Variants in OPRM1 observed in about 807,000 individuals in gnomAD.
OPRM1 encodes mu-type opioid receptor.
Under a neutral mutation model 31.8 loss-of-function variants are expected in OPRM1, and 27 were observed. That is an observed-to-expected ratio of 0.85 (90% CI 0.63 to 1.17). OPRM1 has a LOEUF of 1.17. Ranked by LOEUF, OPRM1 falls within the 50% of genes most tolerant of loss-of-function variation. The probability of loss-of-function intolerance (pLI) is 0.00; values close to 1 mark genes in which losing one functional copy is unlikely to be tolerated. For missense variants in OPRM1, 536 were observed against 511.1 expected (o/e 1.05, Z -0.47); for synonymous variants, 196 against 189.9 (o/e 1.03, Z -0.26).
chr6:154,040,145 A>G (rs556797683), intron 1 of OPRM1, among the ~76,000 whole-genome samples: 12 of 152,144 alleles, frequency 7.9e-5, no homozygotes, highest in African/African-American at 2.2e-4. Context: ...GCTTCCTTAT[A>G]CTGAGCAAAG....
intron 3 of OPRM1, among the ~76,000 whole-genome samples, chr6:154,213,608 C>T (rs1286113760): frequency 6.6e-6 from 1 of 152,096 alleles, no homozygotes; most frequent in Non-Finnish European, 1.5e-5. Flanking sequence ...TTTCCAAGGC[C>T]TTTTGTGGTC....
At chr6:154,093,235 T>C in intron 3 of OPRM1, 2 of 1,559,158 alleles carry the variant, frequency 1.3e-6, no homozygotes, top group Non-Finnish European at 1.7e-6. Context: ...AGCAAAATAA[T>C]GGCCATTATA....
chr6:154,103,889 G>T (rs942126240), intron 3 of OPRM1, among the ~76,000 whole-genome samples: 1 of 152,132 alleles, frequency 6.6e-6, no homozygotes, highest in Non-Finnish European at 1.5e-5. Flanking sequence ...AGGTCTTTAT[G>T]ACCTGTATTT....
chr6:154,111,956 G>C (rs985310511), intron 3 of OPRM1, among the ~76,000 whole-genome samples: 1 of 152,014 alleles, frequency 6.6e-6, no homozygotes, highest in African/African-American at 2.4e-5. Context: ...TAGTAGAAAC[G>C]GGGTTTCACT....
intron 1 of OPRM1, among the ~76,000 whole-genome samples, chr6:154,031,673 G>A (rs1187693884): frequency 6.6e-6 from 1 of 152,114 alleles, no homozygotes; most frequent in Admixed American, 6.5e-5. Flanking sequence ...CTTGGGAGGC[G>A]GAGATTGCAG....
At chr6:154,089,676 G>A (rs186476960) in intron 1 of OPRM1, 150 bp from the exon 2 acceptor site, 1 of 598,074 alleles carries the variant, frequency 1.7e-6, no homozygotes, top group Non-Finnish European at 2.9e-6. Flanking sequence ...TGACATCATT[G>A]TAAATAGCCA....
Position 154,130,174 on chromosome 6 carries a change from T to C in OPRM1, c.*11453T>C, listed in dbSNP as rs9371777. Among the ~76,000 whole-genome samples, 78 of 30,822 alleles carry C rather than the reference T, an allele frequency of 2.5e-3. 5 individuals are homozygous for C. The highest frequency in any genetic ancestry group is 0.024 in the Middle Eastern group (1 of 42). 20.2% of individuals were successfully genotyped at this position (30,822 alleles called of 152,430 possible). A position where few individuals can be genotyped will look rare whatever the true frequency, so the allele number is the denominator to read the frequency against. On this transcript the variant is annotated 3_prime_UTR_variant, in exon 4 of 4. Coordinates refer to ENST00000330432, the MANE Select transcript of OPRM1 (RefSeq NM_000914.5). Reference sequence around the variant, plus strand: ...TCATGGAAATGTTTAAATTTTCTTTTTTTTTTTTTTTTTTGATGGAGTCTC... The same window carrying C: ...TCATGGAAATGTTTAAATTTTCTTTCTTTTTTTTTTTTTTGATGGAGTCTC...
chr6:154,014,455 A>G (rs1322413442), intron 1 of OPRM1, among the ~76,000 whole-genome samples: 1 of 152,256 alleles, frequency 6.6e-6, no homozygotes, highest in East Asian at 1.9e-4. Flanking sequence ...AGCCATAGAC[A>G]ATGAGAGGAA....
At chr6:154,071,554 TAA>T (rs139569995) in intron 1 of OPRM1, among the ~76,000 whole-genome samples, 63 of 150,346 alleles carry the variant, frequency 4.2e-4, no homozygotes, top group Middle Eastern at 6.8e-3. Flanking sequence ...CCTGTAGTTT[TAA>T]AAAAAAAATA....
intron 1 of OPRM1, among the ~76,000 whole-genome samples, chr6:154,076,502 CA>C: frequency 6.6e-6 from 1 of 152,224 alleles, no homozygotes; most frequent in South Asian, 2.1e-4. Context: ...ACAATAGTGG[CA>C]TATTACCTAT....
chr6:154,221,129 T>C, intron 3 of OPRM1: 1 of 698,892 alleles, frequency 1.4e-6, no homozygotes, highest in Non-Finnish European at 2.3e-6. Context: ...AACTGCTAAA[T>C]AAATTAATCC....
At chr6:154,194,967 C>A (rs10485060) in intron 3 of OPRM1, among the ~76,000 whole-genome samples, 7,469 of 152,060 alleles carry the variant, frequency 0.049, 305 homozygotes, top group South Asian at 0.19. Flanking sequence ...GCTGAGGATA[C>A]AAAGGCCAAG....
At chr6:154,014,266 A>G (rs1777883533) in intron 1 of OPRM1, among the ~76,000 whole-genome samples, 1 of 152,186 alleles carries the variant, frequency 6.6e-6, no homozygotes, top group Non-Finnish European at 1.5e-5. Context: ...GAGGTGGGAC[A>G]CACATCTTGT....
intron 3 of OPRM1, among the ~76,000 whole-genome samples, chr6:154,235,685 G>A (rs746753483): frequency 1.6e-4 from 24 of 152,124 alleles, no homozygotes; most frequent in Non-Finnish European, 2.6e-4. Flanking sequence ...AGTTTCGTCT[G>A]TACTATTAAA....
intron 3 of OPRM1, among the ~76,000 whole-genome samples, chr6:154,103,661 C>T (rs1050435644): frequency 2.0e-5 from 3 of 152,132 alleles, no homozygotes; most frequent in African/African-American, 7.2e-5. Flanking sequence ...CCCATTTTTA[C>T]AGTTATTTCT....
intron 3 of OPRM1, among the ~76,000 whole-genome samples, chr6:154,161,858 A>G (rs940211484): frequency 7.9e-5 from 12 of 152,312 alleles, no homozygotes; most frequent in African/African-American, 2.9e-4. Context: ...AAAACTTCAC[A>G]ACCACTGCCA....
At chr6:154,058,642 G>A (rs142678801) in intron 1 of OPRM1, among the ~76,000 whole-genome samples, 34 of 152,264 alleles carry the variant, frequency 2.2e-4, no homozygotes, top group Non-Finnish European at 3.5e-4. Context: ...CCCTAGCAAT[G>A]TGCCTTGGAG....
chr6:154,154,054 T>C (rs924150646), intron 3 of OPRM1, among the ~76,000 whole-genome samples: 1 of 152,172 alleles, frequency 6.6e-6, no homozygotes, highest in Non-Finnish European at 1.5e-5. Context: ...TATTTGGTGG[T>C]GGCAGGACAA....
intron 3 of OPRM1, chr6:154,159,729 T>G: frequency 2.3e-6 from 2 of 863,704 alleles, no homozygotes; most frequent in Non-Finnish European, 3.7e-6. Context: ...CTTGAAGGAC[T>G]GGGTTTCAGT....
Sources: gnomAD v4.1 joint callset for allele counts (sites outside exome capture counted in the v4.1 genomes callset) on GRCh38, gnomAD v4.1.1 for gene constraint, MANE v1.5 for transcripts, NCBI Gene and HGNC (gene_info 2026-07-23, HGNC 2026-07-21) for gene names.